The following MAPK10 variants were observed in gnomAD, a reference collection of about 807,000 sequenced individuals.
MAPK10 encodes JNK3 alpha protein kinase.
MAPK10 carries 25 observed loss-of-function variants against 59.3 expected under a neutral mutation model. That is an observed-to-expected ratio of 0.42 (90% CI 0.31 to 0.59). The LOEUF (loss-of-function observed/expected upper bound fraction) is 0.59. MAPK10 is among the 20% of genes least tolerant of loss of function. The probability of loss-of-function intolerance (pLI) is 0.15; values close to 1 mark genes in which losing one functional copy is unlikely to be tolerated. For missense variants in MAPK10, 351 were observed against 568.9 expected, an observed-to-expected ratio of 0.62 and a Z score of 3.90; for synonymous variants, 190 against 200.5, an observed-to-expected ratio of 0.95 and a Z score of 0.44.
intron 2 of MAPK10, among the ~76,000 whole-genome samples, chr4:86,338,438 C>T (rs1722854681): frequency 1.3e-5 from 2 of 152,142 alleles, no homozygotes; most frequent in Admixed American, 1.3e-4. Flanking sequence ...GTGTTTTGGA[C>T]AGATCACCCT....
At chr4:86,547,028 G>A (rs1429352413) in intron 1 of MAPK10, among the ~76,000 whole-genome samples, 1 of 152,192 alleles carries the variant, frequency 6.6e-6, no homozygotes, top group Non-Finnish European at 1.5e-5. Flanking sequence ...CTCCAGCCTG[G>A]GCGACAGAGC....
intron 4 of MAPK10, among the ~76,000 whole-genome samples, chr4:86,149,335 C>T (rs1425967639): frequency 6.6e-6 from 1 of 152,130 alleles, no homozygotes; most frequent in Non-Finnish European, 1.5e-5. Flanking sequence ...GCCGCAATCT[C>T]GGCTCACTGC....
chr4:86,533,665 C>T, intron 1 of MAPK10, among the ~76,000 whole-genome samples: 1 of 152,162 alleles, frequency 6.6e-6, no homozygotes, highest in East Asian at 1.9e-4. Flanking sequence ...CCTTAGTCTT[C>T]CAAGTATCTG....
chr4:86,497,319 C>T (rs1356313354), intron 1 of MAPK10, among the ~76,000 whole-genome samples: 1 of 152,142 alleles, frequency 6.6e-6, no homozygotes, highest in South Asian at 2.1e-4. Context: ...TTTCCATTTC[C>T]GTAGACTTGG....
At chr4:86,347,490 A>G (rs1172610574) in intron 2 of MAPK10, among the ~76,000 whole-genome samples, 1 of 152,170 alleles carries the variant, frequency 6.6e-6, no homozygotes, top group Non-Finnish European at 1.5e-5. Flanking sequence ...TAAGACACAT[A>G]GCTACATGTT....
chr4:86,367,915 A>G (rs1738180965), intron 1 of MAPK10, among the ~76,000 whole-genome samples: 1 of 152,182 alleles, frequency 6.6e-6, no homozygotes, highest in Admixed American at 6.6e-5. Flanking sequence ...GCCATGTGAC[A>G]GGGTGTTTTC....
chr4:86,144,193 A>G (rs1203384370), intron 4 of MAPK10, among the ~76,000 whole-genome samples: 4 of 152,176 alleles, frequency 2.6e-5, no homozygotes, highest in Non-Finnish European at 4.4e-5. Flanking sequence ...AAAACATTAA[A>G]AGATCTTGTG....
intron 2 of MAPK10, among the ~76,000 whole-genome samples, chr4:86,247,275 C>T (rs2093158335): frequency 6.6e-6 from 1 of 152,212 alleles, no homozygotes; most frequent in Non-Finnish European, 1.5e-5. Context: ...CTTTCTTCTA[C>T]TCAAAAGCAT....
intron 1 of MAPK10, among the ~76,000 whole-genome samples, chr4:86,460,499 C>T (rs1751629258): frequency 6.6e-6 from 1 of 152,176 alleles, no homozygotes; most frequent in East Asian, 1.9e-4. Flanking sequence ...AAGGATGGAA[C>T]CACCAATTAA....
chr4:86,433,555 C>T (rs983609631), intron 1 of MAPK10, among the ~76,000 whole-genome samples: 7 of 97,614 alleles, frequency 7.2e-5, no homozygotes, highest in Non-Finnish European at 8.0e-5. Flanking sequence ...GGGCCTTCTT[C>T]TTTTTTTTTT....
intron 3 of MAPK10, among the ~76,000 whole-genome samples, chr4:86,162,743 T>G (rs1433220675): frequency 6.6e-6 from 1 of 152,066 alleles, no homozygotes; most frequent in Non-Finnish European, 1.5e-5. Context: ...ATACAGCAAC[T>G]ACTAGAAGCC....
At position 86,342,721 on chromosome 4, in the gene MAPK10, C is replaced by G. The variant is rs144359216; in HGVS notation, c.-7+11809G>C. On this transcript the variant is annotated intron_variant, in intron 2 of 13. Coordinates refer to ENST00000641462, the MANE Select transcript of MAPK10 (RefSeq NM_138982.4). ...TGTTTTCCTGCCCTTGAGTGAAACT[C>G]TCTCATTTACAGCTTCTTACTCCAA... is the stretch of plus-strand genomic sequence containing the variant. Among the ~76,000 whole-genome samples, 359 of 152,258 alleles carry G rather than the reference C, an allele frequency of 2.4e-3. 2 individuals are homozygous for G. The highest frequency in any genetic ancestry group is 0.01 in the Middle Eastern group (3 of 294).
upstream of MAPK10, among the ~76,000 whole-genome samples, chr4:86,364,106 G>A (rs1422912024): frequency 6.6e-6 from 1 of 150,784 alleles, no homozygotes; most frequent in Admixed American, 6.6e-5. Flanking sequence ...TATTGTTGTT[G>A]TTGTTGTTGT....
Position 86,102,047 on chromosome 4 carries a change from C to A in MAPK10, c.426-15G>T. ...TTACTAAGTAACTAGAAGGGTGAATCCACAGTGTTAGTTCCAGATCACAAG... is the reference window on the plus strand; with the variant it reads ...TTACTAAGTAACTAGAAGGGTGAATACACAGTGTTAGTTCCAGATCACAAG... On this transcript the variant is annotated splice_polypyrimidine_tract_variant and intron_variant, in intron 6 of 13. Transcript: ENST00000641462. 2 of 1,612,620 alleles carry A rather than the reference C, an allele frequency of 1.2e-6. No individual in the cohort carries two copies. Among genetic ancestry groups the A allele is most frequent in the South Asian group, 1.1e-5 (1 of 91,004 alleles).
intron 2 of MAPK10, among the ~76,000 whole-genome samples, chr4:86,247,168 G>A (rs565618625): frequency 2.6e-4 from 39 of 152,242 alleles, no homozygotes; most frequent in Non-Finnish European, 5.0e-4. Context: ...AGAAAGCGAA[G>A]CCTCTATTGT....
At chr4:86,206,897 GC>G (rs1285074601) in intron 2 of MAPK10, among the ~76,000 whole-genome samples, 1 of 152,092 alleles carries the variant, frequency 6.6e-6, no homozygotes, top group Non-Finnish European at 1.5e-5. Flanking sequence ...GGGGTTGTAT[GC>G]TTTTTTCTTG....
intron 2 of MAPK10, among the ~76,000 whole-genome samples, chr4:86,251,265 G>C (rs970837477): frequency 6.6e-6 from 1 of 151,552 alleles, no homozygotes; most frequent in Non-Finnish European, 1.5e-5. Flanking sequence ...ATGCTGGTGC[G>C]CTGCACCCAC....
chr4:86,393,629 TAA>T (rs759591349), intron 1 of MAPK10, among the ~76,000 whole-genome samples: 2 of 152,314 alleles, frequency 1.3e-5, no homozygotes, highest in Admixed American at 6.5e-5. Flanking sequence ...TAGCTTTTTT[TAA>T]AAAGACAATT....
intron 13 of MAPK10, among the ~76,000 whole-genome samples, chr4:86,026,179 T>C (rs150999522): frequency 1.3e-5 from 2 of 152,204 alleles, no homozygotes; most frequent in African/African-American, 4.8e-5. Flanking sequence ...CTTATCTTAG[T>C]GAGTCACTGT....
Sources: gnomAD v4.1 joint callset for allele counts (sites outside exome capture counted in the v4.1 genomes callset) on GRCh38, gnomAD v4.1.1 for gene constraint, MANE v1.5 for transcripts, NCBI Gene and HGNC (gene_info 2026-07-23, HGNC 2026-07-21) for gene names.